The following GALNT13 variants were observed in gnomAD, a reference collection of about 807,000 sequenced individuals.
The protein encoded by GALNT13 is polypeptide N-acetylgalactosaminyltransferase 13.
In GALNT13, 28 loss-of-function variants were observed where a neutral mutation model predicts 64.2. The observed-to-expected ratio is 0.44, with a 90% CI of 0.32 to 0.60. The LOEUF is 0.60. GALNT13 is among the 20% of genes least tolerant of loss of function. GALNT13 has a pLI of 0.05. For synonymous variants in GALNT13, 214 were observed against 224.6 expected (o/e 0.95, Z 0.42); for missense variants, 577 against 669.8 (o/e 0.86, Z 1.53).
intron 10 of GALNT13, among the ~76,000 whole-genome samples, chr2:154,401,226 T>C (rs1440674061): frequency 6.6e-6 from 1 of 152,132 alleles, no homozygotes; most frequent in African/African-American, 2.4e-5. Flanking sequence ...TAGACATCCA[T>C]GAAGCTGCTA....
chr2:154,451,570 T>G lies in GALNT13; in HGVS notation c.*1019T>G, dbSNP rs1006692861. The stretch of plus-strand genomic sequence containing the variant: ...TGCTGTGCTCCAGTATCTAAAAATT[T>G]TATCACCAGGGGAATAAACTCAATA... On this transcript the variant is annotated 3_prime_UTR_variant, in exon 13 of 13. Coordinates refer to ENST00000392825, the MANE Select transcript of GALNT13 (RefSeq NM_052917.4). The G allele has an allele frequency of 9.2e-5, 14 of 152,244 alleles. No individual in the cohort carries two copies. The East Asian group carries it at 2.7e-3, about 29-fold the overall frequency. The allele number at this position is 152,244 out of a possible 1,614,324, so 9.4% of individuals were successfully genotyped here.
At chr2:154,006,519 C>G (rs1696260598) in intron 3 of GALNT13, among the ~76,000 whole-genome samples, 1 of 152,012 alleles carries the variant, frequency 6.6e-6, no homozygotes, top group Admixed American at 6.6e-5. Context: ...AATAAAATCT[C>G]ATAACATATC....
intron 2 of GALNT13, among the ~76,000 whole-genome samples, chr2:153,910,149 T>G (rs562634791): frequency 6.6e-6 from 1 of 152,158 alleles, no homozygotes; most frequent in South Asian, 2.1e-4. Flanking sequence ...ATTCAGTTTC[T>G]TCCTGGTTTA....
the GALNT13 span, among the ~76,000 whole-genome samples, chr2:153,096,254 G>T: frequency 6.6e-6 from 1 of 150,630 alleles, no homozygotes. Flanking sequence ...GTTTTTTTTT[G>T]GAATGTTTTA....
At chr2:153,299,697 T>G in the GALNT13 span, among the ~76,000 whole-genome samples, 18 of 152,304 alleles carry the variant, frequency 1.2e-4, no homozygotes, top group Admixed American at 7.8e-4. Flanking sequence ...AGATCAGCCC[T>G]TTGGAGCAGA....
the GALNT13 span, chr2:153,201,721 G>T: frequency 6.6e-6 from 1 of 152,074 alleles, no homozygotes; most frequent in South Asian, 2.1e-4. Flanking sequence ...TATAGTATTT[G>T]GCTGTGATTT....
At chr2:154,020,654 T>G (rs1697391029) in intron 3 of GALNT13, among the ~76,000 whole-genome samples, 1 of 151,430 alleles carries the variant, frequency 6.6e-6, no homozygotes, top group Non-Finnish European at 1.5e-5. Flanking sequence ...GTAGGTTGCC[T>G]GTTCACTCTG....
the GALNT13 span, among the ~76,000 whole-genome samples, chr2:153,165,831 G>A: frequency 1.3e-5 from 2 of 152,194 alleles, no homozygotes; most frequent in Non-Finnish European, 2.9e-5. Context: ...TAAAAACCAA[G>A]ATAAAAATAA....
the GALNT13 span, among the ~76,000 whole-genome samples, chr2:153,670,580 C>T: frequency 1.1e-4 from 17 of 152,168 alleles, no homozygotes; most frequent in Admixed American, 4.6e-4. Context: ...TAGATAAAAC[C>T]GCAAAGATGG....
At chr2:154,326,196 G>A (rs2105177709) in intron 9 of GALNT13, among the ~76,000 whole-genome samples, 1 of 152,116 alleles carries the variant, frequency 6.6e-6, no homozygotes, top group East Asian at 1.9e-4. Flanking sequence ...TATCTGCTCT[G>A]GTTGGCCCTG....
chr2:153,441,318 G>C, the GALNT13 span, among the ~76,000 whole-genome samples: 2 of 152,102 alleles, frequency 1.3e-5, no homozygotes, highest in African/African-American at 4.8e-5. Flanking sequence ...TATCTGTTTT[G>C]GTACCAGTAC....
chr2:153,657,525 A>G, the GALNT13 span, among the ~76,000 whole-genome samples: 1 of 152,124 alleles, frequency 6.6e-6, no homozygotes, highest in Non-Finnish European at 1.5e-5. Context: ...ACAAAGAAAG[A>G]CTACATGACT....
At chr2:153,964,837 A>G (rs564870379) in intron 3 of GALNT13, among the ~76,000 whole-genome samples, 12 of 152,054 alleles carry the variant, frequency 7.9e-5, no homozygotes, top group Non-Finnish European at 1.6e-4. Context: ...TTAATATATT[A>G]TGGGCATTTT....
chr2:153,133,027 CTG>C, the GALNT13 span, among the ~76,000 whole-genome samples: 191 of 150,614 alleles, frequency 1.3e-3, 1 homozygote, highest in South Asian at 2.1e-3. Context: ...CAGGCCTAAA[CTG>C]TGTTAATTTT....
intron 8 of GALNT13, among the ~76,000 whole-genome samples, chr2:154,274,969 A>G (rs1691560584): frequency 6.6e-6 from 1 of 151,986 alleles, no homozygotes; most frequent in Non-Finnish European, 1.5e-5. Context: ...GAGATGGGGA[A>G]CCTGTTGTGA....
chr2:153,386,536 G>GT, the GALNT13 span, among the ~76,000 whole-genome samples: 5 of 152,044 alleles, frequency 3.3e-5, no homozygotes, highest in Admixed American at 3.3e-4. Context: ...TGGCTTTGTG[G>GT]TGGATGAGGG....
chr2:153,540,562 T>C, the GALNT13 span, among the ~76,000 whole-genome samples: 1 of 152,182 alleles, frequency 6.6e-6, no homozygotes, highest in East Asian at 1.9e-4. Flanking sequence ...GCTTGCACTA[T>C]GTACCTGGAA....
the GALNT13 span, among the ~76,000 whole-genome samples, chr2:153,166,096 C>G: frequency 6.6e-6 from 1 of 152,118 alleles, no homozygotes; most frequent in African/African-American, 2.4e-5. Context: ...TAGGGGAAGC[C>G]TAAAGATTCC....
At chr2:154,264,768 A>G (rs1310158954) in intron 8 of GALNT13, among the ~76,000 whole-genome samples, 1 of 144,984 alleles carries the variant, frequency 6.9e-6, no homozygotes, top group African/African-American at 2.5e-5. Flanking sequence ...AATTATTTAT[A>G]GCACTAAATG....
Sources: gnomAD v4.1 joint callset for allele counts (sites outside exome capture counted in the v4.1 genomes callset) on GRCh38, gnomAD v4.1.1 for gene constraint, MANE v1.5 for transcripts, NCBI Gene and HGNC (gene_info 2026-07-23, HGNC 2026-07-21) for gene names.